Variants in TECPR2 observed in about 807,000 individuals in gnomAD.
TECPR2 encodes tectonin beta-propeller repeat-containing protein 2.
In TECPR2, 65 loss-of-function variants were observed where a neutral mutation model predicts 138.1. The observed-to-expected ratio is 0.47, with a 90% CI of 0.39 to 0.58. The LOEUF is 0.58. Among genes scored for constraint, TECPR2 ranks in the 20% least tolerant of loss-of-function variants. TECPR2 has a pLI of 0.00. For missense variants in TECPR2, 1,553 were observed against 1,824.5 expected (o/e 0.85, Z 2.71); for synonymous variants, 746 against 749.8 (o/e 0.99, Z 0.08).
At position 102,501,360 on chromosome 14, in the gene TECPR2, T is replaced by C. The variant is rs1891432135; in HGVS notation, c.*3103T>C. On this transcript the variant is annotated 3_prime_UTR_variant, in exon 20 of 20. Coordinates refer to ENST00000359520, the MANE Select transcript of TECPR2 (RefSeq NM_014844.5). ...AGGACAAGCTACAGAGGAAAATAAG[T>C]ACATAGATTTGATTTCTCCAAAATA... The C allele has an allele frequency of 6.6e-6, 1 of 152,200 alleles. No homozygotes were observed. The highest frequency in any genetic ancestry group is 2.4e-5 in the African/African-American group (1 of 41,452). 9.4% of individuals were successfully genotyped at this position (152,200 alleles called of 1,614,324 possible). A position where few individuals can be genotyped will look rare whatever the true frequency, so the allele number is the denominator to read the frequency against.
At position 102,443,927 on chromosome 14, in the gene TECPR2, C is replaced by T. The variant is rs1172978062; in HGVS notation, c.2933+100C>T. The T allele has an allele frequency of 1.7e-6, 2 of 1,162,212 alleles. No homozygotes were observed. The highest frequency in any genetic ancestry group is 2.3e-6 in the Non-Finnish European group (2 of 855,296). The allele number at this position is 1,162,212 out of a possible 1,614,324, so 72.0% of individuals were successfully genotyped here. A position where few individuals can be genotyped will look rare whatever the true frequency, so the allele number is the denominator to read the frequency against. ...GCACCATGAGGCCGTTCCTGGGAGG[C>T]AGCACCTGCAGCCTCCATGGCTATA... On this transcript the variant is annotated intron_variant, in intron 12 of 19. Coordinates refer to ENST00000359520, the MANE Select transcript of TECPR2 (RefSeq NM_014844.5). The surrounding 1 kb of genome is among the most constrained non-coding windows in gnomAD (Gnocchi z 4.9).
Position 102,434,858 on chromosome 14 carries a change from C to A in TECPR2, c.2041C>A (p.Gln681Lys), listed in dbSNP as rs2139731518. 1 of 1,613,652 alleles carries A rather than the reference C, an allele frequency of 6.2e-7. No homozygotes were observed. Among genetic ancestry groups the A allele is most frequent in the South Asian group, 1.1e-5 (1 of 91,082 alleles). ...CAGCCCCGTGGAGCCCAGCCAAGAG[C>A]AGGACATCCTAACCAGCATGGAGGC... is the stretch of plus-strand genomic sequence containing the variant. ...EGSPVEPSQE[Q>K]DILTSMEASG... Residue 681 changes from glutamine (Q) to lysine (K), a missense_variant, in exon 9 of 20, where the codon CAG becomes AAG. Transcript: ENST00000359520.
intron 7 of TECPR2, among the ~76,000 whole-genome samples, chr14:102,428,587 C>T (rs1889389456): frequency 6.6e-6 from 1 of 151,832 alleles, no homozygotes; most frequent in Non-Finnish European, 1.5e-5. Flanking sequence ...ATGGTAAAAC[C>T]CTGTCTCTAC....
intron 2 of TECPR2, among the ~76,000 whole-genome samples, chr14:102,389,620 T>C (rs1888111634): frequency 6.6e-6 from 1 of 152,212 alleles, no homozygotes; most frequent in East Asian, 1.9e-4. Flanking sequence ...CAGCTGGATA[T>C]GAATGGGAAG....
chr14:102,501,434 T>TG lies in TECPR2; in HGVS notation c.*3180dup, dbSNP rs1891433907. 6.6e-6 allele frequency: 1 copy of TG among 152,164 alleles called. No homozygotes were observed. Among genetic ancestry groups the TG allele is most frequent in the Non-Finnish European group, 1.5e-5 (1 of 68,034 alleles). 9.4% of individuals were successfully genotyped at this position (152,164 alleles called of 1,614,324 possible). A position where few individuals can be genotyped will look rare whatever the true frequency, so the allele number is the denominator to read the frequency against. Reference sequence around the variant, plus strand: ...ATGTGCAGTTATAGTCCCAGCTACTTGGGAGGCCAAGGCAGGAGGATTACT... The same window carrying TG: ...ATGTGCAGTTATAGTCCCAGCTACTTGGGGAGGCCAAGGCAGGAGGATTACT... On this transcript the variant is annotated 3_prime_UTR_variant, in exon 20 of 20. Transcript: ENST00000359520.
At chr14:102,364,035 T>A (rs1359083731) in intron 1 of TECPR2, among the ~76,000 whole-genome samples, 7 of 152,258 alleles carry the variant, frequency 4.6e-5, no homozygotes, top group Admixed American at 4.6e-4. Context: ...TTTATTCTGT[T>A]CTGTGACTTA....
intron 2 of TECPR2, among the ~76,000 whole-genome samples, chr14:102,381,609 C>T (rs1397386050): frequency 2.0e-5 from 3 of 152,042 alleles, no homozygotes; most frequent in South Asian, 2.1e-4. Flanking sequence ...ATTGTCAACC[C>T]GAAATTCTTT....
chr14:102,496,180 T>C (rs1239578948), intron 17 of TECPR2, among the ~76,000 whole-genome samples: 1 of 152,178 alleles, frequency 6.6e-6, no homozygotes, highest in Non-Finnish European at 1.5e-5. Context: ...GGGAAGACTG[T>C]GGGTTCCAGA....
At chr14:102,471,571 G>C (rs1454094923) in intron 17 of TECPR2, among the ~76,000 whole-genome samples, 2 of 151,630 alleles carry the variant, frequency 1.3e-5, no homozygotes, top group East Asian at 3.9e-4. Context: ...GGACCTGATA[G>C]TGCACCTGTA....
intron 16 of TECPR2, among the ~76,000 whole-genome samples, chr14:102,460,650 G>T (rs1365492617): frequency 1.3e-5 from 2 of 150,760 alleles, no homozygotes; most frequent in African/African-American, 4.9e-5. Flanking sequence ...CAAGGATGAG[G>T]ATGACTTTAG....
intron 2 of TECPR2, among the ~76,000 whole-genome samples, chr14:102,387,884 G>C (rs1296655293): frequency 3.3e-5 from 5 of 152,126 alleles, no homozygotes; most frequent in African/African-American, 1.2e-4. Flanking sequence ...GGTGACAGTT[G>C]AACAAAGACG....
rs1462046567 is a variant in TECPR2, at chr14:102,498,295, CTG to C, written c.*41_*42del. The C allele has an allele frequency of 2.5e-6, 4 of 1,573,502 alleles. No homozygotes were observed. The South Asian group carries it at 4.5e-5, about 18-fold the overall frequency. On this transcript the variant is annotated 3_prime_UTR_variant, in exon 20 of 20. Transcript: ENST00000359520. ...CGAGTCACGCGGAGGGGCCCGGCGT[CTG>C]TGGCGGGCACAGGGGCTTCAGAGTG...
intron 1 of TECPR2, among the ~76,000 whole-genome samples, chr14:102,371,701 T>C (rs1000740157): frequency 3.3e-5 from 5 of 152,212 alleles, no homozygotes; most frequent in South Asian, 2.1e-4. Flanking sequence ...CCTCTTGCAG[T>C]GTACTCCAAG....
At position 102,499,424 on chromosome 14, in the gene TECPR2, C is replaced by A; in HGVS notation, c.*1167C>A. ...CCGAAAACAGTGGAAGCCCTTTGTT[C>A]CTTCCCGGGTTTGTCCTGAGCCTGC... On this transcript the variant is annotated 3_prime_UTR_variant, in exon 20 of 20. Transcript: ENST00000359520. 1.7e-6 allele frequency: 1 copy of A among 579,980 alleles called. No homozygotes were observed. The highest frequency in any genetic ancestry group is 3.0e-5 in the Admixed American group (1 of 33,348). 35.9% of individuals were successfully genotyped at this position (579,980 alleles called of 1,614,324 possible).
chr14:102,397,823 A>G (rs1234006410), intron 2 of TECPR2, among the ~76,000 whole-genome samples: 3 of 151,790 alleles, frequency 2.0e-5, no homozygotes, highest in African/African-American at 7.3e-5. Context: ...TACGCCTGTA[A>G]TCCCAGCATT....
At chr14:102,399,228 C>T (rs1597784133) in intron 2 of TECPR2, among the ~76,000 whole-genome samples, 1 of 152,208 alleles carries the variant, frequency 6.6e-6, no homozygotes, top group Non-Finnish European at 1.5e-5. Flanking sequence ...GGACACTGCA[C>T]TCCAGCCTGG....
rs756705035 is a variant in TECPR2, at chr14:102,376,739, G to T, written c.18G>T (p.Glu6Asp). The T allele has an allele frequency of 1.9e-6, 3 of 1,614,194 alleles. No homozygotes were observed. MASIS[E>D]PVTFREFCPL... ...CCTTGGCCATGGCATCGATATCAGA[G>T]CCTGTTACATTCAGAGAGTTCTGCC... Residue 6 changes from glutamate (E) to aspartate (D), a missense_variant, in exon 2 of 20, where the codon GAG (glutamate) becomes GAT (aspartate). Coordinates refer to ENST00000359520, the MANE Select transcript of TECPR2 (RefSeq NM_014844.5).
At chr14:102,428,094 C>T (rs1889372982) in intron 6 of TECPR2, among the ~76,000 whole-genome samples, 156 bp from the exon 7 acceptor site, 1 of 152,010 alleles carries the variant, frequency 6.6e-6, no homozygotes. Context: ...TGTTACCTAA[C>T]TTTGGATTGA....
rs377365529 is a variant in TECPR2, at chr14:102,434,809, G to T, written c.1992G>T (p.Leu664=). 7.4e-6 allele frequency: 12 copies of T among 1,613,240 alleles called. No homozygotes were observed. In the African/African-American group the frequency reaches 1.6e-4, roughly 22 times the overall value. ...LSWAPSAEQW[L]PGTRADEGSP... ...GGGCCCCAAGTGCTGAACAGTGGCTGCCTGGGACCAGAGCTGATGAAGGCA... is the reference window on the plus strand; with the variant it reads ...GGGCCCCAAGTGCTGAACAGTGGCTTCCTGGGACCAGAGCTGATGAAGGCA... Residue 664 remains leucine (L), a synonymous_variant, in exon 9 of 20, where the codon CTG becomes CTT. Transcript: ENST00000359520.
Sources: allele counts gnomAD v4.1 joint callset (sites outside exome capture counted in the v4.1 genomes callset), GRCh38; gene constraint gnomAD v4.1.1; non-coding constraint Gnocchi (gnomAD v3.1); transcripts MANE v1.5; gene names NCBI Gene and HGNC (gene_info 2026-07-23, HGNC 2026-07-21).